The following AKR1C3 variants were observed in gnomAD, a reference collection of about 807,000 sequenced individuals.
AKR1C3 encodes the protein 3-alpha hydroxysteroid dehydrogenase, type II.
In AKR1C3, 48 loss-of-function variants were observed where a neutral mutation model predicts 43.6. That is an observed-to-expected ratio of 1.10 (90% CI 0.87 to 1.40). The LOEUF is 1.40. Ranked by LOEUF, AKR1C3 falls within the 40% of genes most tolerant of loss-of-function variation. The pLI is 0.00. For missense variants in AKR1C3, 482 were observed against 391.2 expected, an observed-to-expected ratio of 1.23 and a Z score of -1.96; for synonymous variants, 162 against 139.6, an observed-to-expected ratio of 1.16 and a Z score of -1.13.
intron 1 of AKR1C3, among the ~76,000 whole-genome samples, chr10:5,061,920 A>G (rs778810946): frequency 6.6e-6 from 1 of 152,246 alleles, no homozygotes; most frequent in Non-Finnish European, 1.5e-5. Context: ...AAAATGGTGA[A>G]TAATACATCT....
chr10:5,081,435 T>TC (rs1411115569), intron 1 of AKR1C3, among the ~76,000 whole-genome samples: 4 of 152,220 alleles, frequency 2.6e-5, no homozygotes, highest in Non-Finnish European at 4.4e-5. Flanking sequence ...AAACTTGCTT[T>TC]CACATGAATA....
chr10:5,060,105 T>C (rs2131783968), intron 1 of AKR1C3, among the ~76,000 whole-genome samples: 1 of 152,302 alleles, frequency 6.6e-6, no homozygotes, highest in African/African-American at 2.4e-5. Context: ...GTTCGTGGTC[T>C]TGCTGGCTTC....
chr10:5,098,854 T>C lies in AKR1C3; in HGVS notation c.422T>C (p.Ile141Thr). ...TDENGKVIFD[I>T]VDLCTTWEAM... ...GAAAATGGAAAAGTAATATTTGACA[T>C]AGTGGATCTCTGTACCACCTGGGAG... Residue 141 changes from isoleucine (I) to threonine (T), a missense_variant, in exon 4 of 9, where the codon ATA becomes ACA. Ile to Thr is a moderately conservative substitution (Grantham distance 89). Coordinates refer to ENST00000380554, the MANE Select transcript of AKR1C3 (RefSeq NM_003739.6). The C allele has an allele frequency of 1.2e-6, 2 of 1,613,602 alleles. No homozygotes were observed. Among genetic ancestry groups the C allele is most frequent in the African/African-American group, 1.3e-5 (1 of 74,990 alleles).
chr10:5,078,023 A>G, intron 1 of AKR1C3: 1 of 671,152 alleles, frequency 1.5e-6, no homozygotes, highest in South Asian at 1.6e-5. Context: ...CAGTGAGCTG[A>G]AAATATGATT....
intron 1 of AKR1C3, chr10:5,077,562 T>C (rs1838740638): frequency 1.6e-6 from 1 of 629,036 alleles, no homozygotes; most frequent in Non-Finnish European, 2.0e-6. Flanking sequence ...GTTTGTCTTT[T>C]GAATGGATTT....
chr10:5,060,290 T>A lies in AKR1C3; in HGVS notation c.84+11395T>A, dbSNP rs4255442. ...TTGGCCAGCCTGCTTTTATTCTCTT[T>A]TCTGGTCCCACCCACATCCTGCTGA... On this transcript the variant is annotated intron_variant, in intron 1 of 8. Transcript: ENST00000439082. 3.8e-4 allele frequency among the ~76,000 whole-genome samples: 57 copies of A among 151,934 alleles called. 1 individual carries two copies. Among genetic ancestry groups the A allele is most frequent in the Non-Finnish European group, 6.8e-4 (46 of 67,968 alleles).
chr10:5,055,801 AT>A (rs2131776791), intron 1 of AKR1C3, among the ~76,000 whole-genome samples: 1 of 152,338 alleles, frequency 6.6e-6, no homozygotes, highest in East Asian at 1.9e-4. Flanking sequence ...AGTATTTGCC[AT>A]CTGGGTTTCC....
At chr10:5,048,815 G>C (rs782660148) in exon 1 of AKR1C3, 1 of 1,613,636 alleles carries the variant, frequency 6.2e-7, no homozygotes, top group South Asian at 1.1e-5. Flanking sequence ...GACAGTGATG[G>C]ATTCAAAACA....
intron 1 of AKR1C3, among the ~76,000 whole-genome samples, chr10:5,063,764 GCA>G (rs1491099761): frequency 3.0e-5 from 1 of 33,442 alleles, no homozygotes; most frequent in Non-Finnish European, 5.3e-5. Flanking sequence ...CTCTGTCTCA[GCA>G]AAAAAAAAAA....
upstream of AKR1C3, among the ~76,000 whole-genome samples, chr10:5,091,142 G>C (rs1839078262): frequency 6.6e-6 from 1 of 151,814 alleles, no homozygotes; most frequent in African/African-American, 2.4e-5. Context: ...GTAAAATGAG[G>C]GTTATTTTTG....
At chr10:5,100,648 T>C (rs970277045) in intron 5 of AKR1C3, among the ~76,000 whole-genome samples, 2 of 152,190 alleles carry the variant, frequency 1.3e-5, no homozygotes, top group African/African-American at 2.4e-5. Context: ...TTAGAGCCAA[T>C]GAGTAAAGAT....
chr10:5,057,011 C>CGGGGCTCAGT (rs373335702), intron 1 of AKR1C3, among the ~76,000 whole-genome samples: 2 of 152,216 alleles, frequency 1.3e-5, no homozygotes, highest in African/African-American at 4.8e-5. Flanking sequence ...TAAACATACC[C>CGGGGCTCAGT]GGGGCTCAGT....
chr10:5,106,936 A>G (rs1324457648), intron 8 of AKR1C3, among the ~76,000 whole-genome samples: 1 of 152,124 alleles, frequency 6.6e-6, no homozygotes, highest in Non-Finnish European at 1.5e-5. Flanking sequence ...GAAACCATGT[A>G]AAAGAAAGGA....
chr10:5,102,700 A>C (rs1839388632), intron 7 of AKR1C3, 50 bp downstream of exon 7: 1 of 1,450,118 alleles, frequency 6.9e-7, no homozygotes, highest in Middle Eastern at 2.6e-4. Flanking sequence ...TGTCCTTCAC[A>C]CGTGTGCTTC....
At chr10:5,077,733 G>T (rs1293389897) in intron 1 of AKR1C3, 1 of 1,165,624 alleles carries the variant, frequency 8.6e-7, no homozygotes, top group Non-Finnish European at 1.1e-6. Context: ...AGAGAAAAAA[G>T]AAAAAAAAAG....
intron 1 of AKR1C3, among the ~76,000 whole-genome samples, chr10:5,086,439 G>C (rs1175998069): frequency 2.8e-4 from 43 of 151,774 alleles, no homozygotes; most frequent in East Asian, 3.9e-4. Flanking sequence ...TGATCTGAGA[G>C]ACAGTTTGTT....
chr10:5,089,270 T>C (rs1408775566), intron 1 of AKR1C3, among the ~76,000 whole-genome samples: 1 of 152,176 alleles, frequency 6.6e-6, no homozygotes, highest in African/African-American at 2.4e-5. Context: ...CTGAATTTTT[T>C]GAATCTCATT....
intron 1 of AKR1C3, among the ~76,000 whole-genome samples, chr10:5,079,014 T>C (rs7898263): frequency 0.87 from 132,240 of 152,194 alleles, 57,669 homozygotes; most frequent in African/African-American, 0.95. Context: ...CTTGCTGACT[T>C]ACCATGACTA....
chr10:5,074,240 C>T (rs1439520377), intron 1 of AKR1C3, among the ~76,000 whole-genome samples: 3 of 152,192 alleles, frequency 2.0e-5, no homozygotes, highest in Non-Finnish European at 4.4e-5. Flanking sequence ...CACATATCCT[C>T]AGGACCTCCT....
Sources: gnomAD v4.1 joint callset for allele counts (sites outside exome capture counted in the v4.1 genomes callset) on GRCh38, gnomAD v4.1.1 for gene constraint, MANE v1.5 for transcripts, NCBI Gene and HGNC (gene_info 2026-07-23, HGNC 2026-07-21) for gene names.